Variants in AFAP1L2 observed in about 807,000 individuals in gnomAD.
AFAP1L2 encodes the protein actin filament-associated protein 1-like 2.
In AFAP1L2, 46 loss-of-function variants were observed where a neutral mutation model predicts 99.3. That is an observed-to-expected ratio of 0.46 (90% CI 0.37 to 0.59). The LOEUF (loss-of-function observed/expected upper bound fraction) is 0.59, where lower values mean the gene tolerates loss of function less well. Among genes scored for constraint, AFAP1L2 ranks in the 20% least tolerant of loss-of-function variants. AFAP1L2 has a pLI of 0.00. For synonymous variants in AFAP1L2, 397 were observed against 419.1 expected (o/e 0.95, Z 0.64); for missense variants, 959 against 1,034.9 (o/e 0.93, Z 1.01).
rs2047461105 is a variant in AFAP1L2 at position 114,333,111 on chromosome 10, C to T, written c.220+110G>A. 36 of 990,810 alleles carry T rather than the reference C, an allele frequency of 3.6e-5. 3 individuals carry two copies. In the South Asian group the frequency reaches 4.6e-4, roughly 13 times the overall value. 61.4% of individuals were successfully genotyped at this position (990,810 alleles called of 1,614,324 possible). ...GGCTTCCAAAAATAACTCCGCCAGG[C>T]GGGTCTGTGTGCCGGCTGGGAGGAA... On this transcript the variant is annotated intron_variant, in intron 3 of 18. Coordinates refer to ENST00000304129, the MANE Select transcript of AFAP1L2 (RefSeq NM_001001936.3).
intron 4 of AFAP1L2, among the ~76,000 whole-genome samples, chr10:114,325,675 C>A (rs558411393): frequency 6.6e-6 from 1 of 152,342 alleles, no homozygotes; most frequent in South Asian, 2.1e-4. Context: ...CAGGCCCTAG[C>A]AGACAATGAG....
intron 5 of AFAP1L2, among the ~76,000 whole-genome samples, chr10:114,320,030 G>A (rs917806240): frequency 2.0e-5 from 3 of 152,114 alleles, no homozygotes; most frequent in Admixed American, 6.5e-5. Flanking sequence ...GAAGGAGCCC[G>A]GGCACCTAAT....
At chr10:114,364,718 C>T (rs1170796112) in intron 1 of AFAP1L2, among the ~76,000 whole-genome samples, 1 of 152,168 alleles carries the variant, frequency 6.6e-6, no homozygotes, top group African/African-American at 2.4e-5. Context: ...CAACAGGACA[C>T]AGGGAAGCCC....
downstream of AFAP1L2, among the ~76,000 whole-genome samples, chr10:114,292,860 C>G (rs2039728376): frequency 6.6e-6 from 1 of 152,004 alleles, no homozygotes; most frequent in African/African-American, 2.4e-5. Context: ...CAGGTGCCAC[C>G]ATGCCTAGCT....
In AFAP1L2 at chr10:114,364,168, T is replaced by G. The variant is rs145074709; in HGVS notation, c.17-23437A>C. Among the ~76,000 whole-genome samples, 684 of 152,324 alleles carry G rather than the reference T, an allele frequency of 4.5e-3. 9 individuals carry two copies. The highest frequency in any genetic ancestry group is 0.016 in the African/African-American group (648 of 41,570). ...AAAACTCAGTCACAGCTGTGACAACTGCAGAGGGTCTGCCCCTGGGCTCCT... is the reference window on the plus strand; with the variant it reads ...AAAACTCAGTCACAGCTGTGACAACGGCAGAGGGTCTGCCCCTGGGCTCCT... On this transcript the variant is annotated intron_variant, in intron 1 of 18. Transcript: ENST00000304129.
At chr10:114,284,108 A>C in the AFAP1L2 span, among the ~76,000 whole-genome samples, 1 of 152,248 alleles carries the variant, frequency 6.6e-6, no homozygotes, top group Non-Finnish European at 1.5e-5. Flanking sequence ...TGAGATGCTC[A>C]GGCATGGACC....
upstream of AFAP1L2, chr10:114,404,682 C>A (rs1290452015): frequency 6.0e-6 from 3 of 496,866 alleles, no homozygotes; most frequent in Non-Finnish European, 9.2e-6. Context: ...AACTCCGGCC[C>A]GCCGAGGCTG....
At chr10:114,353,058 C>G (rs1443894982) in intron 1 of AFAP1L2, among the ~76,000 whole-genome samples, 1 of 152,226 alleles carries the variant, frequency 6.6e-6, no homozygotes, top group African/African-American at 2.4e-5. Flanking sequence ...GACCTTGGAC[C>G]TAACCAGTCA....
At chr10:114,305,540 G>C (rs2042111316) in intron 10 of AFAP1L2, among the ~76,000 whole-genome samples, 1 of 132,386 alleles carries the variant, frequency 7.6e-6, no homozygotes, top group African/African-American at 2.9e-5. Context: ...GGAGGGGTTG[G>C]GGCTGCAGGA....
At chr10:114,289,268 A>G in the AFAP1L2 span, 8 of 1,614,044 alleles carry the variant, frequency 5.0e-6, no homozygotes, top group African/African-American at 1.3e-5. Context: ...GGTGTCCCCA[A>G]AGCTGTGGTG....
the AFAP1L2 span, chr10:114,288,890 C>T: frequency 6.4e-7 from 1 of 1,559,846 alleles, no homozygotes; most frequent in Non-Finnish European, 8.7e-7. Context: ...CGTCGAGGGG[C>T]TCTGACTGGC....
At chr10:114,320,583 T>A (rs1476738) in intron 5 of AFAP1L2, among the ~76,000 whole-genome samples, 112,923 of 152,168 alleles carry the variant, frequency 0.74, 43,697 homozygotes, top group East Asian at 0.93. Flanking sequence ...TCGCAGCTGG[T>A]TTTCCTCCAT....
intron 7 of AFAP1L2, 81 bp from the exon 8 acceptor site, chr10:114,310,524 C>A: frequency 2.3e-6 from 3 of 1,301,384 alleles, no homozygotes; most frequent in South Asian, 2.7e-5. Context: ...AGGGCCCCTG[C>A]AGGTCAGGGG....
intron 1 of AFAP1L2, among the ~76,000 whole-genome samples, chr10:114,383,774 T>A (rs1412322759): frequency 3.3e-5 from 5 of 152,176 alleles, no homozygotes; most frequent in Non-Finnish European, 2.9e-5. Context: ...TCTGACCCTT[T>A]CTCTTTGCCC....
intron 1 of AFAP1L2, among the ~76,000 whole-genome samples, chr10:114,367,335 C>T (rs1392413557): frequency 1.3e-5 from 2 of 152,196 alleles, no homozygotes; most frequent in African/African-American, 4.8e-5. Flanking sequence ...GCTTCATGTT[C>T]TCTGAGAACT....
intron 5 of AFAP1L2, 125 bp downstream of exon 5, chr10:114,323,046 A>C: frequency 1.2e-6 from 1 of 814,714 alleles, no homozygotes; most frequent in Non-Finnish European, 1.9e-6. Context: ...CTGTCACAGC[A>C]GCCCAGACTA....
At chr10:114,289,047 G>A in the AFAP1L2 span, 2 of 1,614,204 alleles carry the variant, frequency 1.2e-6, no homozygotes, top group Non-Finnish European at 1.7e-6. Context: ...GTGCCCTCCA[G>A]TTTGAGGTGA....
Position 114,314,057 on chromosome 10 carries a change from G to A in AFAP1L2, c.613-7C>T, listed in dbSNP as rs1564837252. 2.5e-6 allele frequency: 4 copies of A among 1,607,014 alleles called. No homozygotes were observed. The highest frequency in any genetic ancestry group is 3.4e-6 in the Non-Finnish European group (4 of 1,174,368). On this transcript the variant is annotated splice_region_variant and splice_polypyrimidine_tract_variant and intron_variant, in intron 6 of 18. Transcript: ENST00000304129. ...CCTTGGAGGATTTGTAGCACTGGAA[G>A]GAAAGAGAGAAGATACACCACTTTG...
rs529210001 is a variant in AFAP1L2 at position 114,296,022 on chromosome 10, C to A, written c.*20G>T. The A allele has an allele frequency of 6.2e-7, 1 of 1,614,142 alleles. No homozygotes were observed. The highest frequency in any genetic ancestry group is 1.3e-5 in the African/African-American group (1 of 75,062). On this transcript the variant is annotated 3_prime_UTR_variant, in exon 19 of 19. Transcript: ENST00000304129. Reference sequence around the variant, plus strand: ...CCAAGGTCCACATTGACATGAGAGTCTTTAGATGAAGCTTGTTTTCTAACT... The same window carrying A: ...CCAAGGTCCACATTGACATGAGAGTATTTAGATGAAGCTTGTTTTCTAACT...
Sources: gnomAD v4.1 joint callset for allele counts (sites outside exome capture counted in the v4.1 genomes callset) on GRCh38, gnomAD v4.1.1 for gene constraint, MANE v1.5 for transcripts, NCBI Gene and HGNC (gene_info 2026-07-23, HGNC 2026-07-21) for gene names.